Variants in PLCG2 observed in about 807,000 individuals in gnomAD.
PLCG2 encodes 1-phosphatidylinositol 4,5-bisphosphate phosphodiesterase gamma-2.
A neutral mutation model predicts 175.6 loss-of-function variants in PLCG2; 69 were observed. That is an observed-to-expected ratio of 0.39 (90% CI 0.32 to 0.48). PLCG2 has a LOEUF of 0.48. Among genes scored for constraint, PLCG2 ranks in the 20% least tolerant of loss-of-function variants. PLCG2 has a pLI of 0.91. For missense variants in PLCG2, 1,798 were observed against 1,650.9 expected (o/e 1.09, Z -1.54); for synonymous variants, 827 against 624.0 (o/e 1.33, Z -4.85).
chr16:81,953,212 T>G (rs1268391696), intron 31 of PLCG2, among the ~76,000 whole-genome samples: 2 of 152,222 alleles, frequency 1.3e-5, no homozygotes, highest in Non-Finnish European at 2.9e-5. Context: ...CTAAAGGTTC[T>G]GTGGGATCCC....
intron 19 of PLCG2, among the ~76,000 whole-genome samples, chr16:81,917,654 T>G (rs766393270): frequency 3.7e-4 from 57 of 152,374 alleles, no homozygotes; most frequent in Non-Finnish European, 5.7e-4. Flanking sequence ...GAACATTTTT[T>G]ACGTAACTGT....
chr16:81,910,724 C>A lies in PLCG2; in HGVS notation c.1934+4C>A. ...CCAACCCCCACGAGTCCAAGCCGTA[C>A]GTGTCTGAGGGTGGAGCAGGAGGCA... On this transcript the variant is annotated splice_donor_region_variant and intron_variant, in intron 18 of 32. Coordinates refer to ENST00000564138, the MANE Select transcript of PLCG2 (RefSeq NM_002661.5). 1 of 1,606,330 alleles carries A rather than the reference C, an allele frequency of 6.2e-7. No individual in the cohort carries two copies. Among genetic ancestry groups the A allele is most frequent in the East Asian group, 2.2e-5 (1 of 44,862 alleles).
chr16:81,879,421 C>A (rs137929451), intron 7 of PLCG2, among the ~76,000 whole-genome samples: 2 of 152,152 alleles, frequency 1.3e-5, no homozygotes, highest in African/African-American at 2.4e-5. Context: ...GCTAAGTTTG[C>A]GGCTCTTAAC....
At chr16:81,886,213 G>A (rs554803464) in intron 9 of PLCG2, among the ~76,000 whole-genome samples, 12 of 152,202 alleles carry the variant, frequency 7.9e-5, no homozygotes, top group Non-Finnish European at 1.6e-4. Flanking sequence ...TTTATTACGT[G>A]CTTTCCCCAA....
chr16:81,882,709 T>C (rs8048471), intron 8 of PLCG2, among the ~76,000 whole-genome samples: 95,647 of 151,202 alleles, frequency 0.63, 30,420 homozygotes, highest in Admixed American at 0.7. Context: ...CCTTGCCAGG[T>C]ACTCTCTGCA....
At chr16:81,944,496 T>C (rs1567544716) in intron 30 of PLCG2, among the ~76,000 whole-genome samples, 1 of 152,200 alleles carries the variant, frequency 6.6e-6, no homozygotes, top group Non-Finnish European at 1.5e-5. Context: ...AGGTCTTCCC[T>C]CTGTCACTGA....
chr16:81,922,920 T>A (rs1910116286), intron 21 of PLCG2, among the ~76,000 whole-genome samples: 1 of 152,176 alleles, frequency 6.6e-6, no homozygotes, highest in South Asian at 2.1e-4. Flanking sequence ...ATGAATTTCA[T>A]GGAGGAGAAG....
At chr16:81,793,275 C>G (rs1199206305) in intron 2 of PLCG2, among the ~76,000 whole-genome samples, 1 of 152,294 alleles carries the variant, frequency 6.6e-6, no homozygotes, top group East Asian at 1.9e-4. Context: ...GCTTGTGGTA[C>G]TGTTGGGCAT....
At chr16:81,893,013 T>C (rs1347504953) in intron 11 of PLCG2, among the ~76,000 whole-genome samples, 1 of 151,956 alleles carries the variant, frequency 6.6e-6, no homozygotes, top group Non-Finnish European at 1.5e-5. Context: ...CCCTGTTTTG[T>C]TTTGTTTTGT....
chr16:81,913,817 C>T (rs980245133), intron 19 of PLCG2, among the ~76,000 whole-genome samples: 1 of 150,882 alleles, frequency 6.6e-6, no homozygotes, highest in African/African-American at 2.4e-5. Context: ...TGCCAGGCTG[C>T]CCCCTGGGCG....
At chr16:81,917,846 C>T (rs994823445) in intron 19 of PLCG2, among the ~76,000 whole-genome samples, 27 of 152,054 alleles carry the variant, frequency 1.8e-4, no homozygotes, top group Admixed American at 1.5e-3. Context: ...CTCAGCCTCC[C>T]GAGTAGCTGG....
chr16:81,769,144 G>A (rs1401702682), intron 2 of PLCG2, among the ~76,000 whole-genome samples: 1 of 152,200 alleles, frequency 6.6e-6, no homozygotes, highest in Non-Finnish European at 1.5e-5. Context: ...GATGCCATGT[G>A]AGTTTCTCTG....
chr16:81,841,360 G>C (rs1455478374), intron 2 of PLCG2, among the ~76,000 whole-genome samples: 1 of 152,014 alleles, frequency 6.6e-6, no homozygotes, highest in Admixed American at 6.6e-5. Context: ...AGCCTCCTGA[G>C]TAGCTGGGAT....
chr16:81,746,305 T>A (rs1348584942), intron 1 of PLCG2, among the ~76,000 whole-genome samples: 7 of 152,282 alleles, frequency 4.6e-5, no homozygotes, highest in African/African-American at 7.2e-5. Flanking sequence ...GTGCCTTGAG[T>A]GCTTGAGTTT....
chr16:81,772,667 A>C (rs984881215), intron 2 of PLCG2, among the ~76,000 whole-genome samples: 8 of 151,322 alleles, frequency 5.3e-5, no homozygotes, highest in Admixed American at 6.6e-5. Flanking sequence ...AAAAAAAAAA[A>C]AAAAGCTGGG....
At position 81,794,196 on chromosome 16, in the gene PLCG2, G is replaced by T. The variant is rs117281444; in HGVS notation, c.193+8014G>T. 5.9e-5 allele frequency among the ~76,000 whole-genome samples: 9 copies of T among 152,322 alleles called. No individual in the cohort carries two copies. In the East Asian group the frequency reaches 1.7e-3, roughly 29 times the overall value. ...CACAAACACAGCCTGGAAAAGGGCT[G>T]TTGGGGACAAGGGTGCCGAAGTGAG... On this transcript the variant is annotated intron_variant, in intron 2 of 32. Transcript: ENST00000564138.
intron 2 of PLCG2, among the ~76,000 whole-genome samples, chr16:81,827,717 C>T (rs940366142): frequency 3.3e-5 from 5 of 152,026 alleles, no homozygotes; most frequent in Non-Finnish European, 7.4e-5. Context: ...ACAGATCCTA[C>T]GTCATGCTGC....
chr16:81,762,133 C>T (rs1416554411), intron 2 of PLCG2, among the ~76,000 whole-genome samples: 1 of 152,070 alleles, frequency 6.6e-6, no homozygotes. Flanking sequence ...CCACGCATGG[C>T]CCCTGAACAT....
intron 5 of PLCG2, among the ~76,000 whole-genome samples, chr16:81,864,552 CA>C (rs1181667642): frequency 6.6e-6 from 1 of 152,196 alleles, no homozygotes; most frequent in East Asian, 1.9e-4. Flanking sequence ...CTGTGGGCCT[CA>C]GTTTCCTCAT....
Sources: allele counts gnomAD v4.1 joint callset (sites outside exome capture counted in the v4.1 genomes callset), GRCh38; gene constraint gnomAD v4.1.1; transcripts MANE v1.5; gene names NCBI Gene and HGNC (gene_info 2026-07-23, HGNC 2026-07-21).